PHC1: variants seen among roughly 807,000 people sequenced by gnomAD.
PHC1 encodes polyhomeotic-like protein 1.
Under a neutral mutation model 104.3 loss-of-function variants are expected in PHC1, and 12 were observed. That is an observed-to-expected ratio of 0.12 (90% CI 0.07 to 0.19). The LOEUF (loss-of-function observed/expected upper bound fraction) is 0.19. Ranked by LOEUF, PHC1 falls within the 10% of genes least tolerant of loss-of-function variation. The pLI is 1.00. For missense variants in PHC1, 671 were observed against 1,200.0 expected, an observed-to-expected ratio of 0.56 and a Z score of 6.51; for synonymous variants, 302 against 455.8, an observed-to-expected ratio of 0.66 and a Z score of 4.30.
chr12:8,934,238 C>G (rs1945770712), intron 9 of PHC1, 29 bp from the exon 10 acceptor site: 1 of 1,551,768 alleles, frequency 6.4e-7, no homozygotes, highest in Non-Finnish European at 8.9e-7. Context: ...CATCTCATGT[C>G]TGTTGCTTAA....
rs184427295 is a variant in PHC1 at position 8,927,117 on chromosome 12, C to T, written c.613-3318C>T. ...ACGAAGGCAAGGGAACCAAATGTTA[C>T]AAGATGTGCATGTGTGCATGCGCGC... is the stretch of plus-strand genomic sequence containing the variant. On this transcript the variant is annotated intron_variant, in intron 6 of 14. Transcript: ENST00000544916. 7.9e-5 allele frequency among the ~76,000 whole-genome samples: 12 copies of T among 152,258 alleles called. No individual in the cohort carries two copies. The East Asian group carries it at 2.3e-3, about 29-fold the overall frequency.
At chr12:8,920,095 T>C (rs1003777237) in intron 3 of PHC1, among the ~76,000 whole-genome samples, 6 of 152,212 alleles carry the variant, frequency 3.9e-5, no homozygotes, top group African/African-American at 1.4e-4. Flanking sequence ...ACCTGCATTG[T>C]CTAATAACGT....
intron 3 of PHC1, among the ~76,000 whole-genome samples, chr12:8,920,701 C>T (rs1247124517): frequency 6.6e-6 from 1 of 152,064 alleles, no homozygotes; most frequent in East Asian, 1.9e-4. Context: ...GAGCGAGACT[C>T]CTTCTCAAAA....
At position 8,934,334 on chromosome 12, in the gene PHC1, C is replaced by A. The variant is rs772875615; in HGVS notation, c.2109C>A (p.Pro703=). ...TPSSELVALT[P]APSVPPPTLA... Reference sequence around the variant, plus strand: ...GCAGTGAACTAGTAGCCTTGACCCCCGCCCCTTCAGTACCGCCTCCTACAC... The same window carrying A: ...GCAGTGAACTAGTAGCCTTGACCCCAGCCCCTTCAGTACCGCCTCCTACAC... The change falls in exon 10 of 15, where the codon CCC becomes CCA. Residue 703 remains proline (P), a synonymous_variant. Coordinates refer to ENST00000544916, the MANE Select transcript of PHC1 (RefSeq NM_004426.3). 2 of 1,613,950 alleles carry A rather than the reference C, an allele frequency of 1.2e-6. No individual in the cohort carries two copies. Among genetic ancestry groups the A allele is most frequent in the Non-Finnish European group, 1.7e-6 (2 of 1,179,956 alleles).
chr12:8,937,412 G>C, intron 13 of PHC1, 86 bp downstream of exon 13: 1 of 1,252,648 alleles, frequency 8.0e-7, no homozygotes, highest in Non-Finnish European at 1.1e-6. Context: ...CCAGGTAAGA[G>C]GGTGTGAGAT....
chr12:8,921,615 C>G lies in PHC1; in HGVS notation c.321C>G (p.Thr107=). 1.9e-6 allele frequency: 3 copies of G among 1,613,702 alleles called. No homozygotes were observed. Among genetic ancestry groups the G allele is most frequent in the Non-Finnish European group, 2.5e-6 (3 of 1,179,892 alleles). The change falls in exon 5 of 15, where the codon ACC becomes ACG. Residue 107 remains threonine, a synonymous_variant. Coordinates refer to ENST00000544916, the MANE Select transcript of PHC1 (RefSeq NM_004426.3). ...TTTQASINLA[T]TSAAQLISRS... is the part of the protein sequence containing the mutation. Reference sequence around the variant, plus strand: ...GTACCACACAGATCAATCTGGCCACCACATCGGCCGCCCAGCTCATCAGCC... The same window carrying G: ...GTACCACACAGATCAATCTGGCCACGACATCGGCCGCCCAGCTCATCAGCC...
chr12:8,933,626 G>C, intron 8 of PHC1: 1 of 598,172 alleles, frequency 1.7e-6, no homozygotes, highest in Non-Finnish European at 2.9e-6. Flanking sequence ...ACAGTTCTTG[G>C]TTGGTCTACG....
rs746917139 is a variant in PHC1 at position 8,937,160 on chromosome 12, A to T, written c.2478-16A>T. ...CTGTGGCACTATTGACATCCTATAT[A>T]TGCCCTGTCCTGTAGGTACAATGTG... On this transcript the variant is annotated splice_polypyrimidine_tract_variant and intron_variant, in intron 12 of 14. Coordinates refer to ENST00000544916, the MANE Select transcript of PHC1 (RefSeq NM_004426.3). 3 of 1,605,942 alleles carry T rather than the reference A, an allele frequency of 1.9e-6. No individual in the cohort carries two copies. The East Asian group carries it at 6.7e-5, about 36-fold the overall frequency.
chr12:8,929,334 C>T (rs1232365582), intron 6 of PHC1, among the ~76,000 whole-genome samples: 1 of 152,038 alleles, frequency 6.6e-6, no homozygotes, highest in East Asian at 1.9e-4. Context: ...AACTAAAGTT[C>T]AGATTCCTTG....
intron 6 of PHC1, among the ~76,000 whole-genome samples, chr12:8,923,822 T>G (rs10771215): frequency 0.66 from 87,104 of 131,708 alleles, 28,984 homozygotes; most frequent in South Asian, 0.85. Context: ...AGAGCGAGAC[T>G]CCGTCTCAAA....
In PHC1 at chr12:8,937,829, G is replaced by C; in HGVS notation, c.2629G>C (p.Gly877Arg). The change falls in exon 14 of 15, where the codon GGT becomes CGT. Residue 877 changes from glycine (G) to arginine (R), a missense_variant and splice_region_variant. By Grantham distance (125) the Gly-to-Arg change is moderately radical (BLOSUM62 -2). Around this residue, in one of 9 missense-constraint regions of PHC1, gnomAD observed 192 missense variants for 280.5 expected, o/e 0.68. Transcript: ENST00000544916. ...RAKIQGKCHR[G>R]QEDSSRGSDN... ...ATTGGTTTGCTCTTTTCCCCTATAG[G>C]GTCAAGAAGACTCTAGCCGGGGTTC... 6.2e-7 allele frequency: 1 copy of C among 1,611,820 alleles called. No individual in the cohort carries two copies. The highest frequency in any genetic ancestry group is 1.1e-5 in the South Asian group (1 of 90,968).
Position 8,934,449 on chromosome 12 carries a change from G to A in PHC1, c.2224G>A (p.Val742Ile). ...QILTHIIEGF[V>I]IQEGAEPFPV... ...TCTCACCCACATCATTGAAGGCTTTGTTATCCAGGAAGGAGCAGAACCTTT... is the reference window on the plus strand; with the variant it reads ...TCTCACCCACATCATTGAAGGCTTTATTATCCAGGAAGGAGCAGAACCTTT... The change falls in exon 10 of 15, where the codon GTT becomes ATT. Residue 742 changes from valine to isoleucine, a missense_variant. Around this residue, in one of 9 missense-constraint regions of PHC1, gnomAD observed 29 missense variants for 78.0 expected, o/e 0.37. Coordinates refer to ENST00000544916, the MANE Select transcript of PHC1 (RefSeq NM_004426.3). 1 of 1,613,870 alleles carries A rather than the reference G, an allele frequency of 6.2e-7. No individual in the cohort carries two copies.
intron 4 of PHC1, 144 bp from the exon 5 acceptor site, chr12:8,921,457 A>AT: frequency 2.6e-6 from 2 of 760,550 alleles, no homozygotes; most frequent in Non-Finnish European, 4.3e-6. Context: ...ACAGTTTTGG[A>AT]TATGAAGACA....
At chr12:8,917,838 G>A (rs1373961294) in intron 2 of PHC1, 47 bp downstream of exon 2, 4 of 978,676 alleles carry the variant, frequency 4.1e-6, no homozygotes, top group Non-Finnish European at 6.2e-6. Context: ...CTTGGCTTGT[G>A]GTAGGCAGTG....
In PHC1 at chr12:8,920,415, G is replaced by T. The variant is rs781305483; in HGVS notation, c.225+549G>T. The stretch of plus-strand genomic sequence containing the variant: ...GACTCATGATATGACCTGACCAAAA[G>T]ATCTTTTTCTAGCTGGGCGTGGTGG... On this transcript the variant is annotated intron_variant, in intron 3 of 14. Coordinates refer to ENST00000544916, the MANE Select transcript of PHC1 (RefSeq NM_004426.3). Among the ~76,000 whole-genome samples, 11 of 152,266 alleles carry T rather than the reference G, an allele frequency of 7.2e-5. No homozygotes were observed. In the East Asian group the frequency reaches 1.5e-3, roughly 21 times the overall value.
rs1449936962 is a variant in PHC1, at chr12:8,933,270, G to A, written c.1813G>A (p.Val605Ile). Reference sequence around the variant, plus strand: ...TCCTGTGCAGGGGACAGCACATGTGGTAAAGGGTGGGGCTACCACCTCCTC... The same window carrying A: ...TCCTGTGCAGGGGACAGCACATGTGATAAAGGGTGGGGCTACCACCTCCTC... ...LAPVQGTAHV[V>I]KGGATTSSPV... The change falls in exon 8 of 15, where the codon GTA (valine) becomes ATA (isoleucine). Residue 605 changes from valine (V) to isoleucine (I), a missense_variant. By Grantham distance (29) the Val-to-Ile change is conservative (BLOSUM62 3). Coordinates refer to ENST00000544916, the MANE Select transcript of PHC1 (RefSeq NM_004426.3). The A allele has an allele frequency of 2.1e-6, 3 of 1,462,748 alleles. No individual in the cohort carries two copies. The highest frequency in any genetic ancestry group is 2.9e-5 in the South Asian group (2 of 70,004). The allele number at this position is 1,462,748 out of a possible 1,614,324, so 90.6% of individuals were successfully genotyped here.
At position 8,930,817 on chromosome 12, in the gene PHC1, A is replaced by G. The variant is rs1945662025; in HGVS notation, c.995A>G (p.Glu332Gly). 2 of 1,546,048 alleles carry G rather than the reference A, an allele frequency of 1.3e-6. No individual in the cohort carries two copies. The highest frequency in any genetic ancestry group is 2.7e-5 in the African/African-American group (2 of 73,478). The change falls in exon 7 of 15, where the codon GAA becomes GGA. Residue 332 changes from glutamate to glycine, a missense_variant. This residue lies in a region of PHC1 where 78 missense variants were observed against 140.8 expected (regional missense o/e 0.55). Coordinates refer to ENST00000544916, the MANE Select transcript of PHC1 (RefSeq NM_004426.3). ...AGCCAGGGCAGCCAGACAGAGGCAG[A>G]AAGTGCAGCAGCCAAGAAGGCAGAA... ...TVSQGSQTEA[E>G]SAAAKKAEAD...
chr12:8,920,819 T>C (rs112913389), intron 3 of PHC1, among the ~76,000 whole-genome samples, 166 bp from the exon 4 acceptor site: 6 of 152,336 alleles, frequency 3.9e-5, no homozygotes, highest in African/African-American at 1.4e-4. Flanking sequence ...TGTGGTAATG[T>C]GAGGATCACT....
chr12:8,922,925 T>C (rs1469896374), intron 6 of PHC1, 137 bp downstream of exon 6: 1 of 717,142 alleles, frequency 1.4e-6, no homozygotes, highest in Admixed American at 3.1e-5. Flanking sequence ...CTTCCCTTAA[T>C]CACCATAGAA....
Sources: allele counts gnomAD v4.1 joint callset (sites outside exome capture counted in the v4.1 genomes callset), GRCh38; gene constraint gnomAD v4.1.1; regional missense constraint gnomAD v4.1.1; transcripts MANE v1.5; gene names NCBI Gene and HGNC (gene_info 2026-07-23, HGNC 2026-07-21).